Variants in SIX6 observed in about 807,000 individuals in gnomAD.
SIX6 encodes homeobox protein SIX6.
SIX6 carries 14 observed loss-of-function variants against 23.6 expected under a neutral mutation model. The ratio of observed to expected loss-of-function variants is 0.59; its 90% confidence interval spans 0.39 to 0.93. The LOEUF (loss-of-function observed/expected upper bound fraction) is 0.93, where lower values mean the gene tolerates loss of function less well. Ranked by LOEUF, SIX6 falls within the 40% of genes least tolerant of loss-of-function variation. SIX6 has a pLI of 0.00. For missense variants in SIX6, 307 were observed against 325.6 expected (o/e 0.94, Z 0.44); for synonymous variants, 128 against 144.9 (o/e 0.88, Z 0.84).
chr14:60,509,659 G>T lies in SIX6; in HGVS notation c.261G>T (p.Leu87=). ...HKFTKESHAK[L]QALWLEAHYQ... is the part of the protein sequence containing the mutation. ...TCACCAAGGAGTCGCACGCCAAGCT[G>T]CAGGCGCTGTGGCTTGAAGCACACT... The change falls in exon 1 of 2, where the codon CTG becomes CTT. Residue 87 remains leucine (L), a synonymous_variant. Coordinates refer to ENST00000327720, the MANE Select transcript of SIX6 (RefSeq NM_007374.3). 1 of 1,613,984 alleles carries T rather than the reference G, an allele frequency of 6.2e-7. No individual in the cohort carries two copies. Among genetic ancestry groups the T allele is most frequent in the Non-Finnish European group, 8.5e-7 (1 of 1,180,010 alleles).
chr14:60,511,585 T>A lies in SIX6; in HGVS notation c.*333T>A. 1 of 495,440 alleles carries A rather than the reference T, an allele frequency of 2.0e-6. No individual in the cohort carries two copies. The highest frequency in any genetic ancestry group is 3.7e-6 in the Non-Finnish European group (1 of 271,728). 30.7% of individuals were successfully genotyped at this position (495,440 alleles called of 1,614,324 possible). A position where few individuals can be genotyped will look rare whatever the true frequency, so the allele number is the denominator to read the frequency against. ...CTGCCCAGATTCTCCCATGGGTATT[T>A]CACGTCGAAAGGACGCTGTTACATA... On this transcript the variant is annotated 3_prime_UTR_variant, in exon 2 of 2. Coordinates refer to ENST00000327720, the MANE Select transcript of SIX6 (RefSeq NM_007374.3).
Position 60,511,267 on chromosome 14 carries a change from A to T in SIX6, c.*15A>T. 1 of 1,612,886 alleles carries T rather than the reference A, an allele frequency of 6.2e-7. No homozygotes were observed. The highest frequency in any genetic ancestry group is 8.5e-7 in the Non-Finnish European group (1 of 1,179,462). ...GCGACATCTGAGTTGCCCATCCAGG[A>T]TGCTCAGAAGCAGATTCCAGTGTAA... On this transcript the variant is annotated 3_prime_UTR_variant, in exon 2 of 2. Coordinates refer to ENST00000327720, the MANE Select transcript of SIX6 (RefSeq NM_007374.3).
Position 60,511,148 on chromosome 14 carries a change from C to G in SIX6, c.637C>G (p.Pro213Ala), listed in dbSNP as rs201560655. Residue 213 changes from proline (P) to alanine (A), a missense_variant, in exon 2 of 2, where the codon CCA (proline) becomes GCA (alanine). Pro to Ala is a conservative substitution (Grantham distance 27). Transcript: ENST00000327720. ...ACTACGGGCGGAGGGCGACGGCACG[C>G]CAGAGGTGCTGGGCGTCGCCACCAG... ...RALRAEGDGTPEVLGVATSPA... is the reference protein window; with the variant it reads ...RALRAEGDGTAEVLGVATSPA... The G allele has an allele frequency of 1.9e-6, 3 of 1,612,800 alleles. No individual in the cohort carries two copies. In the African/African-American group the frequency reaches 4.0e-5, roughly 22 times the overall value.
chr14:60,510,024 A>C lies in SIX6; in HGVS notation c.572+54A>C, dbSNP rs960272913. ...AGCGCACCGGGGAGGAGGCGGGTGG[A>C]GGCACCTCTGGCGCCCTTACCCAGT... On this transcript the variant is annotated intron_variant, in intron 1 of 1. Coordinates refer to ENST00000327720, the MANE Select transcript of SIX6 (RefSeq NM_007374.3). The C allele has an allele frequency of 4.7e-6, 7 of 1,488,184 alleles. No homozygotes were observed. The African/African-American group carries it at 9.7e-5, about 21-fold the overall frequency. 92.2% of individuals were successfully genotyped at this position (1,488,184 alleles called of 1,614,324 possible). A position where few individuals can be genotyped will look rare whatever the true frequency, so the allele number is the denominator to read the frequency against.
At position 60,511,216 on chromosome 14, in the gene SIX6, C is replaced by T. The variant is rs758032582; in HGVS notation, c.705C>T (p.Ile235=). The T allele has an allele frequency of 2.0e-5, 33 of 1,613,234 alleles. No individual in the cohort carries two copies. In the Admixed American group the frequency reaches 5.3e-4, roughly 26 times the overall value. The change falls in exon 2 of 2, where the codon ATC becomes ATT. Residue 235 remains isoleucine (I), a synonymous_variant. Transcript: ENST00000327720. The part of the protein sequence containing the change: ...SLSSKAATSA[I]SITSSDSECD... The stretch of plus-strand genomic sequence containing the variant: ...CCAGCAAGGCGGCCACTTCAGCCAT[C>T]TCCATCACGTCCAGCGACAGCGAGT...
Position 60,511,078 on chromosome 14 carries a change from C to G in SIX6, c.573-6C>G, listed in dbSNP as rs770759922. The G allele has an allele frequency of 4.4e-5, 71 of 1,612,492 alleles. No individual in the cohort carries two copies. In the East Asian group the frequency reaches 1.5e-3, roughly 35 times the overall value. On this transcript the variant is annotated splice_region_variant and splice_polypyrimidine_tract_variant and intron_variant, in intron 1 of 1. Transcript: ENST00000327720. Reference sequence around the variant, plus strand: ...CTGTGACCCGTGTTCCCTTTCTTCCCCGTAGACTCCAGCAGCAGGTCCTGT... The same window carrying G: ...CTGTGACCCGTGTTCCCTTTCTTCCGCGTAGACTCCAGCAGCAGGTCCTGT...
Position 60,509,948 on chromosome 14 carries a change from C to G in SIX6, c.550C>G (p.Arg184Gly), listed in dbSNP as rs769430744. 28 of 1,606,836 alleles carry G rather than the reference C, an allele frequency of 1.7e-5. No individual in the cohort carries two copies. The highest frequency in any genetic ancestry group is 1.6e-5 in the Non-Finnish European group (19 of 1,176,428). Residue 184 changes from arginine (R) to glycine (G), a missense_variant, in exon 1 of 2, where the codon CGA (arginine) becomes GGA (glycine). Arg to Gly is a moderately radical substitution (Grantham distance 125). Transcript: ENST00000327720. ...GTTCAAAAACCGCCGACAAAGGGAC[C>G]GAGCGGCTGCAGCCAAGAACAGGTC... Reference protein sequence around the residue: ...NWFKNRRQRDRAAAAKNRLQQ... With the variant: ...NWFKNRRQRDGAAAAKNRLQQ...
chr14:60,511,021 T>G, intron 1 of SIX6, 63 bp from the exon 2 acceptor site: 2 of 1,543,022 alleles, frequency 1.3e-6, no homozygotes, highest in Non-Finnish European at 1.8e-6. Flanking sequence ...CAGGAGGTGG[T>G]GGGGGCGGGC....
intron 1 of SIX6, among the ~76,000 whole-genome samples, chr14:60,510,857 G>A (rs1281574465): frequency 2.0e-5 from 3 of 152,264 alleles, no homozygotes; most frequent in Non-Finnish European, 4.4e-5. Flanking sequence ...CTGCGGCGCT[G>A]AGAAAGGGCG....
chr14:60,509,991 G>C, intron 1 of SIX6, 21 bp downstream of exon 1: 1 of 1,574,550 alleles, frequency 6.4e-7, no homozygotes, highest in Non-Finnish European at 8.6e-7. Flanking sequence ...AGAGGCCTCC[G>C]CGCTTTGAGC....
Position 60,512,032 on chromosome 14 carries a change from CATAT to C in SIX6, c.*781_*784del, listed in dbSNP as rs1893302886. On this transcript the variant is annotated 3_prime_UTR_variant, in exon 2 of 2. Transcript: ENST00000327720. ...GCATATATGTATGTACCTATACAAA[CATAT>C]GTATGTACCTATACAAACATATGTA... is the stretch of plus-strand genomic sequence containing the variant. 2.4e-4 allele frequency: 1 copy of C among 4,188 alleles called. No individual in the cohort carries two copies. The highest frequency in any genetic ancestry group is 5.0e-3 in the Admixed American group (1 of 200). The allele number at this position is 4,188 out of a possible 1,614,324, so 0.3% of individuals were successfully genotyped here. A position where few individuals can be genotyped will look rare whatever the true frequency, so the allele number is the denominator to read the frequency against.
At chr14:60,511,029 G>C in intron 1 of SIX6, 55 bp from the exon 2 acceptor site, 1 of 1,573,246 alleles carries the variant, frequency 6.4e-7, no homozygotes, top group Non-Finnish European at 8.7e-7. Flanking sequence ...GGTGGGGGCG[G>C]GCGACGGGCG....
intron 1 of SIX6, 36 bp downstream of exon 1, chr14:60,510,006 C>A (rs1010002697): frequency 2.6e-6 from 4 of 1,553,114 alleles, no homozygotes; most frequent in Admixed American, 1.8e-5. Flanking sequence ...TTGAGCGCAC[C>A]GGGGAGGAGG....
rs1005532041 is a variant in SIX6 at position 60,512,549 on chromosome 14, T to G, written c.*1297T>G. The G allele has an allele frequency of 3.3e-5, 5 of 152,166 alleles. No individual in the cohort carries two copies. Among genetic ancestry groups the G allele is most frequent in the African/African-American group, 1.2e-4 (5 of 41,436 alleles). The allele number at this position is 152,166 out of a possible 1,614,324, so 9.4% of individuals were successfully genotyped here. On this transcript the variant is annotated 3_prime_UTR_variant, in exon 2 of 2. Coordinates refer to ENST00000327720, the MANE Select transcript of SIX6 (RefSeq NM_007374.3). The stretch of plus-strand genomic sequence containing the variant: ...ATGTAATCATGTCACATACTGAGGG[T>G]AAAACAAGGCTGTAGAAATAACTGG...
chr14:60,509,841 T>C lies in SIX6; in HGVS notation c.443T>C (p.Leu148Pro), dbSNP rs1893263614. 1 of 1,613,880 alleles carries C rather than the reference T, an allele frequency of 6.2e-7. No homozygotes were observed. The highest frequency in any genetic ancestry group is 1.3e-5 in the African/African-American group (1 of 74,936). Residue 148 changes from leucine (L) to proline (P), a missense_variant, in exon 1 of 2, where the codon CTG becomes CCG. Coordinates refer to ENST00000327720, the MANE Select transcript of SIX6 (RefSeq NM_007374.3). ...RTRHLLREWY[L>P]QDPYPNPSKK... Reference sequence around the variant, plus strand: ...CGGCACCTGCTACGCGAGTGGTACCTGCAGGATCCATACCCTAACCCCAGC... The same window carrying C: ...CGGCACCTGCTACGCGAGTGGTACCCGCAGGATCCATACCCTAACCCCAGC...
intron 1 of SIX6, 66 bp from the exon 2 acceptor site, chr14:60,511,018 T>C (rs767337502): frequency 2.4e-4 from 363 of 1,515,452 alleles, no homozygotes; most frequent in Non-Finnish European, 3.1e-4. Context: ...ACGCAGGAGG[T>C]GGTGGGGGCG....
At position 60,511,111 on chromosome 14, in the gene SIX6, T is replaced by C. The variant is rs765698334; in HGVS notation, c.600T>C (p.Gly200=). The change falls in exon 2 of 2, where the codon GGT becomes GGC. Residue 200 remains glycine (G), a synonymous_variant. Coordinates refer to ENST00000327720, the MANE Select transcript of SIX6 (RefSeq NM_007374.3). ...TCCAGCAGCAGGTCCTGTCACAGGG[T>C]TCCGGGCGGGCACTACGGGCGGAGG... ...NRLQQQVLSQ[G]SGRALRAEGD... is the part of the protein sequence containing the mutation. 2.5e-6 allele frequency: 4 copies of C among 1,612,722 alleles called. No individual in the cohort carries two copies. Among genetic ancestry groups the C allele is most frequent in the African/African-American group, 1.3e-5 (1 of 74,906 alleles).
rs1698578791 is a variant in SIX6 at position 60,512,087 on chromosome 14, A to G, written c.*835A>G. 1 of 152,172 alleles carries G rather than the reference A, an allele frequency of 6.6e-6. No individual in the cohort carries two copies. Among genetic ancestry groups the G allele is most frequent in the Non-Finnish European group, 1.5e-5 (1 of 68,054 alleles). 9.4% of individuals were successfully genotyped at this position (152,172 alleles called of 1,614,324 possible). A position where few individuals can be genotyped will look rare whatever the true frequency, so the allele number is the denominator to read the frequency against. ...TGTATGCATACACGTGATATATTTA[A>G]GGCTAGAAATTGGCAACATGTGAGC... On this transcript the variant is annotated 3_prime_UTR_variant, in exon 2 of 2. Transcript: ENST00000327720.
At position 60,511,370 on chromosome 14, in the gene SIX6, G is replaced by A. The variant is rs750848803; in HGVS notation, c.*118G>A. 8.0e-7 allele frequency: 1 copy of A among 1,252,922 alleles called. No homozygotes were observed. Among genetic ancestry groups the A allele is most frequent in the Non-Finnish European group, 1.1e-6 (1 of 872,958 alleles). 77.6% of individuals were successfully genotyped at this position (1,252,922 alleles called of 1,614,324 possible). A position where few individuals can be genotyped will look rare whatever the true frequency, so the allele number is the denominator to read the frequency against. On this transcript the variant is annotated 3_prime_UTR_variant, in exon 2 of 2. Transcript: ENST00000327720. ...CAGCGCCACAGAAGCCAGGTGACCA[G>A]GGACCCGCGGGCTCGGGTTGCCGTT...
Sources: allele counts gnomAD v4.1 joint callset (sites outside exome capture counted in the v4.1 genomes callset), GRCh38; gene constraint gnomAD v4.1.1; transcripts MANE v1.5; gene names NCBI Gene and HGNC (gene_info 2026-07-23, HGNC 2026-07-21).